HACD2: variants seen among roughly 807,000 people sequenced by gnomAD.
The protein encoded by HACD2 is 3-hydroxyacyl-CoA dehydratase 2.
HACD2 carries 15 observed loss-of-function variants against 31.0 expected under a neutral mutation model. That is an observed-to-expected ratio of 0.48 (90% CI 0.32 to 0.75). The LOEUF is 0.75. HACD2 is among the 30% of genes least tolerant of loss of function. The pLI, the probability that HACD2 is intolerant of heterozygous loss-of-function variation, is 0.03. For missense variants in HACD2, 283 were observed against 313.0 expected (o/e 0.90, Z 0.72); for synonymous variants, 115 against 122.2 (o/e 0.94, Z 0.39).
Position 123,584,936 on chromosome 3 carries a change from T to G in HACD2, c.92A>C (p.Lys31Thr). 2 of 1,529,486 alleles carry G rather than the reference T, an allele frequency of 1.3e-6. No individual in the cohort carries two copies. The highest frequency in any genetic ancestry group is 1.8e-6 in the Non-Finnish European group (2 of 1,138,124). 94.7% of individuals were successfully genotyped at this position (1,529,486 alleles called of 1,614,324 possible). The change falls in exon 1 of 7, where the codon AAG becomes ACG. Residue 31 changes from lysine (K) to threonine (T), a missense_variant. By Grantham distance (78) the Lys-to-Thr change is moderately conservative (BLOSUM62 -1). Coordinates refer to ENST00000383657, the MANE Select transcript of HACD2 (RefSeq NM_198402.5). ...CGTGGCCAGGGGCCCCGGGCCCTTC[T>G]TCTTCCGCGTGCCGCTGGCGTCCCC... ...GAGDASGTRK[K>T]KGPGPLATAY... is the part of the protein sequence containing the mutation.
chr3:123,542,158 A>AAAAAAAAAAAAAAAAC (rs2056500249), intron 3 of HACD2, among the ~76,000 whole-genome samples: 1 of 148,564 alleles, frequency 6.7e-6, no homozygotes, highest in African/African-American at 2.5e-5. Flanking sequence ...AAAAAAAAAA[A>AAAAAAAAAAAAAAAAC]AAAAAAAAAA....
chr3:123,531,599 C>T (rs796373278), intron 3 of HACD2, among the ~76,000 whole-genome samples: 104 of 152,268 alleles, frequency 6.8e-4, no homozygotes, highest in African/African-American at 2.4e-3. Flanking sequence ...GAGTGAGCCA[C>T]CACACCTGGT....
chr3:123,494,849 T>C lies in HACD2; in HGVS notation c.*39A>G, dbSNP rs769290522. The C allele has an allele frequency of 2.3e-5, 31 of 1,337,202 alleles. No homozygotes were observed. In the Admixed American group the frequency reaches 6.0e-4, roughly 26 times the overall value. 82.8% of individuals were successfully genotyped at this position (1,337,202 alleles called of 1,614,324 possible). A position where few individuals can be genotyped will look rare whatever the true frequency, so the allele number is the denominator to read the frequency against. On this transcript the variant is annotated 3_prime_UTR_variant, in exon 7 of 7. Transcript: ENST00000383657. ...AAAATCTGCAGCATTTTTTGATCAT[T>C]GAAAAGTTTGTTTTGGTGGGAGGTG...
rs765052462 is a variant in HACD2, at chr3:123,528,366, T to C, written c.381+20A>G. The C allele has an allele frequency of 7.1e-7, 1 of 1,403,340 alleles. No homozygotes were observed. Among genetic ancestry groups the C allele is most frequent in the Admixed American group, 1.7e-5 (1 of 59,334 alleles). The allele number at this position is 1,403,340 out of a possible 1,614,324, so 86.9% of individuals were successfully genotyped here. A position where few individuals can be genotyped will look rare whatever the true frequency, so the allele number is the denominator to read the frequency against. The stretch of plus-strand genomic sequence containing the variant: ...GTGTTTGTTAGTGTTGACATTATTT[T>C]GGTCTATATAAACACTTACCTCTTT... On this transcript the variant is annotated intron_variant, in intron 4 of 6. Transcript: ENST00000383657.
At chr3:123,507,376 T>C (rs1231434423) in intron 4 of HACD2, among the ~76,000 whole-genome samples, 2 of 152,020 alleles carry the variant, frequency 1.3e-5, no homozygotes, top group Non-Finnish European at 2.9e-5. Flanking sequence ...GGTGAATGGA[T>C]AAACGACAAG....
At chr3:123,542,146 CAAAAAAAAAAAAA>C (rs11391480) in intron 3 of HACD2, among the ~76,000 whole-genome samples, 4 of 41,094 alleles carry the variant, frequency 9.7e-5, no homozygotes, top group East Asian at 1.1e-3. Context: ...GACTCCGTCT[CAAAAAAAAAAAAA>C]AAAAAAAAAA....
At chr3:123,508,339 A>C (rs1250724946) in intron 4 of HACD2, among the ~76,000 whole-genome samples, 10 of 152,162 alleles carry the variant, frequency 6.6e-5, no homozygotes, top group Non-Finnish European at 1.2e-4. Flanking sequence ...GCGAGGGAGG[A>C]GGCGGCTGGG....
intron 4 of HACD2, among the ~76,000 whole-genome samples, chr3:123,521,540 C>T (rs1258396554): frequency 6.6e-6 from 1 of 150,652 alleles, no homozygotes; most frequent in Non-Finnish European, 1.5e-5. Context: ...TCCCTTCTTG[C>T]GTTAGAATTG....
At chr3:123,565,973 AT>A (rs1247221162) in intron 3 of HACD2, among the ~76,000 whole-genome samples, 2 of 152,182 alleles carry the variant, frequency 1.3e-5, no homozygotes, top group African/African-American at 2.4e-5. Context: ...GAGCTTCCCC[AT>A]TTACCAGCTG....
intron 2 of HACD2, 49 bp downstream of exon 2, chr3:123,582,163 T>C (rs753080756): frequency 7.9e-7 from 1 of 1,262,320 alleles, no homozygotes; most frequent in Non-Finnish European, 1.1e-6. Context: ...TTGCATGTTT[T>C]TCTTCATACC....
At chr3:123,538,209 A>G (rs1301032392) in intron 3 of HACD2, among the ~76,000 whole-genome samples, 2 of 152,190 alleles carry the variant, frequency 1.3e-5, no homozygotes, top group Admixed American at 6.5e-5. Flanking sequence ...GACCACCCCC[A>G]GAAAGCAATA....
At chr3:123,495,154 T>A (rs560269540) in intron 6 of HACD2, among the ~76,000 whole-genome samples, 184 bp from the exon 7 acceptor site, 15 of 152,336 alleles carry the variant, frequency 9.8e-5, no homozygotes, top group African/African-American at 3.4e-4. Flanking sequence ...TCCTTTCTTT[T>A]CCTGCTTTAG....
intron 3 of HACD2, among the ~76,000 whole-genome samples, chr3:123,548,782 C>T (rs980639019): frequency 1.3e-5 from 2 of 151,860 alleles, no homozygotes; most frequent in African/African-American, 4.8e-5. Flanking sequence ...GTCACCATGC[C>T]TGGCTAAATT....
chr3:123,577,708 C>T (rs1401793849), intron 2 of HACD2, among the ~76,000 whole-genome samples: 2 of 151,364 alleles, frequency 1.3e-5, no homozygotes, highest in African/African-American at 4.9e-5. Flanking sequence ...TTCTCTCAAA[C>T]ATAATTTTAA....
At chr3:123,499,154 T>C (rs1032711332) in intron 6 of HACD2, 1 of 154,660 alleles carries the variant, frequency 6.5e-6, no homozygotes, top group African/African-American at 2.4e-5. Context: ...CTATGGTGAA[T>C]TCAAATAAAG....
intron 3 of HACD2, among the ~76,000 whole-genome samples, chr3:123,566,451 G>A (rs572725955): frequency 2.0e-5 from 3 of 151,804 alleles, no homozygotes; most frequent in Admixed American, 1.3e-4. Flanking sequence ...CACCTGGCTC[G>A]TTTTTTATTT....
intron 4 of HACD2, among the ~76,000 whole-genome samples, chr3:123,514,823 C>G (rs1165380798): frequency 6.6e-6 from 1 of 152,176 alleles, no homozygotes; most frequent in African/African-American, 2.4e-5. Context: ...TTCCCATTAG[C>G]AGGGCTAATT....
chr3:123,571,160 G>C (rs1216499619), intron 2 of HACD2, among the ~76,000 whole-genome samples: 2 of 152,172 alleles, frequency 1.3e-5, no homozygotes, highest in Admixed American at 6.5e-5. Context: ...AGAATGTGCA[G>C]AGAGAATAAA....
Position 123,535,068 on chromosome 3 carries a change from G to A in HACD2, c.293-6594C>T, listed in dbSNP as rs111334202. Among the ~76,000 whole-genome samples, 639 of 152,186 alleles carry A rather than the reference G, an allele frequency of 4.2e-3. 3 individuals carry two copies. Among genetic ancestry groups the A allele is most frequent in the African/African-American group, 0.015 (606 of 41,518 alleles). On this transcript the variant is annotated intron_variant, in intron 3 of 6. Transcript: ENST00000383657. ...TAAATTTAGTAGCCTAAGTGTACAG[G>A]GTTCATAAAGTCTACAGTAGTACAC...
Sources: allele counts gnomAD v4.1 joint callset (sites outside exome capture counted in the v4.1 genomes callset), GRCh38; gene constraint gnomAD v4.1.1; transcripts MANE v1.5; gene names NCBI Gene and HGNC (gene_info 2026-07-23, HGNC 2026-07-21).